CRTC2: variants seen among roughly 807,000 people sequenced by gnomAD.
CRTC2 encodes the protein CREB regulated transcription coactivator 2, also known as CREB-regulated transcription coactivator 2.
A neutral mutation model predicts 70.9 loss-of-function variants in CRTC2; 25 were observed. The observed-to-expected ratio is 0.35, with a 90% CI of 0.26 to 0.49. The LOEUF is 0.49. CRTC2 is among the 20% of genes least tolerant of loss of function. CRTC2 has a pLI of 0.98. For missense variants in CRTC2, 737 were observed against 882.6 expected (o/e 0.83, Z 2.09); for synonymous variants, 330 against 364.1 (o/e 0.91, Z 1.07).
chr1:153,954,770 A>G (rs1680537396), intron 3 of CRTC2, 103 bp downstream of exon 3: 1 of 1,000,684 alleles, frequency 1.0e-6, no homozygotes, highest in Admixed American at 1.9e-5. Flanking sequence ...AAGAGCTCCA[A>G]GAGAAGGAAG....
rs962715227 is a variant in CRTC2, at chr1:153,947,803, C to T, written c.*306G>A. 3 of 419,466 alleles carry T rather than the reference C, an allele frequency of 7.2e-6. No individual in the cohort carries two copies. The highest frequency in any genetic ancestry group is 1.3e-5 in the Non-Finnish European group (3 of 226,290). The allele number at this position is 419,466 out of a possible 1,614,324, so 26.0% of individuals were successfully genotyped here. On this transcript the variant is annotated 3_prime_UTR_variant, in exon 14 of 14. Coordinates refer to ENST00000368633, the MANE Select transcript of CRTC2 (RefSeq NM_181715.3). ...CTGGCACTGCCCACCCCTAGGCATC[C>T]GGAAAAGCCCTGCTTCCAGGGCTCC...
At position 153,953,338 on chromosome 1, in the gene CRTC2, C is replaced by T. The variant is rs1314497652; in HGVS notation, c.535G>A (p.Val179Met). The T allele has an allele frequency of 2.5e-6, 4 of 1,602,406 alleles. No individual in the cohort carries two copies. Among genetic ancestry groups the T allele is most frequent in the Non-Finnish European group, 3.4e-6 (4 of 1,176,614 alleles). The change falls in exon 6 of 14, where the codon GTG (valine) becomes ATG (methionine). Residue 179 changes from valine (V) to methionine (M), a missense_variant. This residue lies in a region of CRTC2 where 699 missense variants were observed against 823.7 expected (regional missense o/e 0.85). Transcript: ENST00000368633. Reference sequence around the variant, plus strand: ...GTATCCTGGGGACTGGGGTTCATCACACTTGTATGAAGGGCAGAGTCAGAG... The same window carrying T: ...GTATCCTGGGGACTGGGGTTCATCATACTTGTATGAAGGGCAGAGTCAGAG... Reference protein sequence around the residue: ...TSSDSALHTSVMNPSPQDTYP... With the variant: ...TSSDSALHTSMMNPSPQDTYP...
rs781354022 is a variant in CRTC2 at position 153,952,540 on chromosome 1, T to C, written c.702+31A>G. On this transcript the variant is annotated intron_variant, in intron 8 of 13. Transcript: ENST00000368633. The stretch of plus-strand genomic sequence containing the variant: ...CATGGCAAGGGGATAGCAGAGAGAC[T>C]AGTGGGTGACACCCGGTGGCCTCCT... The C allele has an allele frequency of 1.6e-5, 25 of 1,612,568 alleles. No homozygotes were observed. In the South Asian group the frequency reaches 2.6e-4, roughly 17 times the overall value.
At position 153,949,153 on chromosome 1, in the gene CRTC2, A is replaced by C. The variant is rs1557865355; in HGVS notation, c.1636T>G (p.Ser546Ala). The C allele has an allele frequency of 6.2e-7, 1 of 1,612,874 alleles. No homozygotes were observed. The highest frequency in any genetic ancestry group is 1.3e-5 in the African/African-American group (1 of 74,994). The change falls in exon 12 of 14, where the codon TCT (serine) becomes GCT (alanine). Residue 546 changes from serine (S) to alanine (A), a missense_variant. This residue lies in a region of CRTC2 where 699 missense variants were observed against 823.7 expected (regional missense o/e 0.85). Coordinates refer to ENST00000368633, the MANE Select transcript of CRTC2 (RefSeq NM_181715.3). ...PPGPSGHGQQ[S>A]YHRPMSDFNL... ...AAGTCACTCATTGGCCGGTGGTAAGACTGTTGCCCATGCCCACTGGGCCCA... is the reference window on the plus strand; with the variant it reads ...AAGTCACTCATTGGCCGGTGGTAAGCCTGTTGCCCATGCCCACTGGGCCCA...
rs566531709 is a variant in CRTC2, at chr1:153,951,496, G to T, written c.1168C>A (p.Pro390Thr). The T allele has an allele frequency of 4.4e-6, 7 of 1,600,752 alleles. No individual in the cohort carries two copies. In the Admixed American group the frequency reaches 1.0e-4, roughly 23 times the overall value. ...HVLPTTSLGH[P>T]SLSAPALSSS... ...GAGAGAGCCGGAGCACTGAGTGAGGGGTGGCCCAGGGAGGTGGTGGGCAGT... is the reference window on the plus strand; with the variant it reads ...GAGAGAGCCGGAGCACTGAGTGAGGTGTGGCCCAGGGAGGTGGTGGGCAGT... Residue 390 changes from proline to threonine, a missense_variant, in exon 11 of 14, where the codon CCC (proline) becomes ACC (threonine). Physicochemically the swap from Pro to Thr is conservative, Grantham distance 38 (BLOSUM62 -1). This residue lies in a region of CRTC2 where 699 missense variants were observed against 823.7 expected (regional missense o/e 0.85). Coordinates refer to ENST00000368633, the MANE Select transcript of CRTC2 (RefSeq NM_181715.3).
chr1:153,953,779 C>T (rs1167344718), intron 4 of CRTC2, among the ~76,000 whole-genome samples, 173 bp from the exon 5 acceptor site: 1 of 152,124 alleles, frequency 6.6e-6, no homozygotes, highest in Non-Finnish European at 1.5e-5. Context: ...CTCCCCCAGT[C>T]AATCTAAGAG....
Position 153,951,443 on chromosome 1 carries a change from T to G in CRTC2, c.1221A>C (p.Ser407=), listed in dbSNP as rs759201075. 2.5e-6 allele frequency: 4 copies of G among 1,600,706 alleles called. No individual in the cohort carries two copies. In the African/African-American group the frequency reaches 5.4e-5, roughly 22 times the overall value. The change falls in exon 11 of 14, where the codon TCA becomes TCC. Residue 407 remains serine (S), a synonymous_variant. Transcript: ENST00000368633. ...LSSSSSSSST[S]SPVLGAPSYP... ...AAGAGGGGGCGCCCAAAACAGGAGA[T>G]GAAGTGGAGGAGGAGGAAGAGGAGG...
chr1:153,955,301 C>T, intron 1 of CRTC2, 135 bp from the exon 2 acceptor site: 1 of 688,656 alleles, frequency 1.5e-6, no homozygotes, highest in Non-Finnish European at 2.6e-6. Flanking sequence ...GGCACAGTAG[C>T]TCACACCTGT....
At chr1:153,955,802 A>G (rs1184167809) in intron 1 of CRTC2, among the ~76,000 whole-genome samples, 2 of 151,222 alleles carry the variant, frequency 1.3e-5, no homozygotes, top group African/African-American at 4.9e-5. Context: ...CCATCTGCAG[A>G]CTGCCCTCAT....
Position 153,948,113 on chromosome 1 carries a change from T to G in CRTC2, c.2078A>C (p.Gln693Pro), listed in dbSNP as rs1239061807. 3 of 1,613,912 alleles carry G rather than the reference T, an allele frequency of 1.9e-6. No homozygotes were observed. The Admixed American group carries it at 5.0e-5, about 27-fold the overall frequency. Residue 693 changes from glutamine to proline, a missense_variant, in exon 14 of 14, where the codon CAA becomes CCA. Coordinates refer to ENST00000368633, the MANE Select transcript of CRTC2 (RefSeq NM_181715.3). The stretch of plus-strand genomic sequence containing the variant: ...AGGGATGGTGATGAGGTGCCCTCAT[T>G]GGAGCCGGTCACTGCGGAATGACTC... ...VEESFRSDRL[Q>P]
chr1:153,953,515 C>T, intron 5 of CRTC2, 23 bp downstream of exon 5: 2 of 1,606,006 alleles, frequency 1.2e-6, no homozygotes, highest in Non-Finnish European at 1.7e-6. Flanking sequence ...GAGATCTGGC[C>T]TAAAGAAGGC....
chr1:153,955,263 C>T (rs1431782709), intron 1 of CRTC2, 97 bp from the exon 2 acceptor site: 3 of 902,028 alleles, frequency 3.3e-6, no homozygotes, highest in East Asian at 2.6e-5. Flanking sequence ...ATGCTGCTGC[C>T]GCCACTGCTT....
rs781463000 is a variant in CRTC2, at chr1:153,952,403, C to T, written c.746G>A (p.Gly249Glu). Reference protein sequence around the residue: ...SSRPRSCEVPGINIFPSPDQP... With the variant: ...SSRPRSCEVPEINIFPSPDQP... ...AACCTCAGGGAGTACTTACTTAATT[C>T]CAGGGACTTCACAGGACCGAGGTCG... Residue 249 changes from glycine to glutamate, a missense_variant, in exon 9 of 14, where the codon GGA (glycine) becomes GAA (glutamate). Gly to Glu is a moderately conservative substitution (Grantham distance 98). Coordinates refer to ENST00000368633, the MANE Select transcript of CRTC2 (RefSeq NM_181715.3). 2.5e-6 allele frequency: 4 copies of T among 1,614,160 alleles called. No homozygotes were observed. Among genetic ancestry groups the T allele is most frequent in the Admixed American group, 3.3e-5 (2 of 60,020 alleles).
At chr1:153,949,608 G>A (rs898941771) in intron 11 of CRTC2, among the ~76,000 whole-genome samples, 5 of 152,132 alleles carry the variant, frequency 3.3e-5, no homozygotes, top group African/African-American at 9.7e-5. Context: ...AGCACTTTGG[G>A]AGGCCCAAGG....
At chr1:153,958,319 T>C in intron 1 of CRTC2, 26 bp downstream of exon 1, 2 of 1,606,834 alleles carry the variant, frequency 1.2e-6, no homozygotes, top group Middle Eastern at 1.7e-4. Context: ...TCAGCTCTGC[T>C]CCGGCTCCCC....
In CRTC2 at chr1:153,951,542, G is replaced by A. The variant is rs368986262; in HGVS notation, c.1122C>T (p.Ala374=). 3.5e-5 allele frequency: 57 copies of A among 1,608,420 alleles called. No homozygotes were observed. The highest frequency in any genetic ancestry group is 4.7e-5 in the Non-Finnish European group (55 of 1,177,316). Residue 374 remains alanine (A), a synonymous_variant, in exon 11 of 14, where the codon GCC becomes GCT. Coordinates refer to ENST00000368633, the MANE Select transcript of CRTC2 (RefSeq NM_181715.3). ...GCAGTACATGGCGGGCCAAGGAGGA[G>A]GCAGGCAGAGAGGGGTGGCTGTGGG... ...QGSHSHPSLP[A]SSLARHVLPT...
At position 153,949,194 on chromosome 1, in the gene CRTC2, C is replaced by T. The variant is rs1345031169; in HGVS notation, c.1595G>A (p.Gly532Glu). The change falls in exon 12 of 14, where the codon GGG becomes GAG. Residue 532 changes from glycine to glutamate, a missense_variant. Physicochemically the swap from Gly to Glu is moderately conservative, Grantham distance 98 (BLOSUM62 -2). Around this residue, in one of 3 missense-constraint regions of CRTC2, gnomAD observed 699 missense variants for 823.7 expected, o/e 0.85. Transcript: ENST00000368633. ...ACTGGGCCCAGGTGGGTACGGTGTC[C>T]CATAATGAGACTGCCTGCCTGGGGG... ...GQPPGRQSHY[G>E]TPYPPGPSGH... is the part of the protein sequence containing the mutation. 6.2e-7 allele frequency: 1 copy of T among 1,613,958 alleles called. No individual in the cohort carries two copies. The highest frequency in any genetic ancestry group is 2.2e-5 in the East Asian group (1 of 44,876).
intron 12 of CRTC2, 145 bp downstream of exon 12, chr1:153,948,968 CTA>C: frequency 1.1e-6 from 1 of 887,398 alleles, no homozygotes; most frequent in Non-Finnish European, 1.8e-6. Context: ...GCTGGCAGTG[CTA>C]TGTTACCTCC....
chr1:153,953,757 T>C (rs1680479343), intron 4 of CRTC2, 151 bp from the exon 5 acceptor site: 2 of 593,414 alleles, frequency 3.4e-6, no homozygotes, highest in Non-Finnish European at 6.0e-6. Context: ...TTCTCCTGCC[T>C]ATGATTGACC....
Sources: gnomAD v4.1 joint callset for allele counts (sites outside exome capture counted in the v4.1 genomes callset) on GRCh38, gnomAD v4.1.1 for gene constraint, gnomAD v4.1.1 regional missense constraint, MANE v1.5 for transcripts, NCBI Gene and HGNC (gene_info 2026-07-23, HGNC 2026-07-21) for gene names.